The following CUL4A variants were observed in gnomAD, a reference collection of about 807,000 sequenced individuals.
The protein encoded by CUL4A is cullin 4A.
A neutral mutation model predicts 95.5 loss-of-function variants in CUL4A; 16 were observed. The observed-to-expected ratio is 0.17, with a 90% CI of 0.11 to 0.25. The LOEUF (loss-of-function observed/expected upper bound fraction) is 0.25, where lower values mean the gene tolerates loss of function less well. Among genes scored for constraint, CUL4A ranks in the 10% least tolerant of loss-of-function variants. CUL4A has a pLI of 1.00. For missense variants in CUL4A, 610 were observed against 937.0 expected, an observed-to-expected ratio of 0.65 and a Z score of 4.56; for synonymous variants, 380 against 353.1, an observed-to-expected ratio of 1.08 and a Z score of -0.85.
rs370353330 is a variant in CUL4A, at chr13:113,232,151, ACTG to A, written c.513-1021_513-1019del. 4.1e-3 allele frequency among the ~76,000 whole-genome samples: 74 copies of A among 17,942 alleles called. 5 individuals are homozygous for A. The highest frequency in any genetic ancestry group is 0.014 in the Middle Eastern group (1 of 74). The allele number at this position is 17,942 out of a possible 152,430, so 11.8% of individuals were successfully genotyped here. ...TCACCACTACCCGCCCACCACCATT[ACTG>A]CTGCCACCACTACCCGCCCACCACC... On this transcript the variant is annotated intron_variant, in intron 5 of 19. Transcript: ENST00000375440.
intron 2 of CUL4A, among the ~76,000 whole-genome samples, chr13:113,214,527 A>AG (rs1555409788): frequency 1.3e-5 from 2 of 152,008 alleles, no homozygotes; most frequent in South Asian, 2.1e-4. Context: ...TTTAAAAAAA[A>AG]AGAGAGAGAG....
chr13:113,244,900 G>T (rs981629909), intron 12 of CUL4A, 49 bp from the exon 13 acceptor site: 1 of 1,161,158 alleles, frequency 8.6e-7, no homozygotes, highest in Non-Finnish European at 1.3e-6. Context: ...TTTAACATTT[G>T]CTTATCAACT....
chr13:113,212,537 C>T (rs2040488641), intron 2 of CUL4A, among the ~76,000 whole-genome samples: 1 of 152,196 alleles, frequency 6.6e-6, no homozygotes. Flanking sequence ...AATCCCAGCA[C>T]TTTGGGAGGC....
At chr13:113,239,341 A>G in intron 9 of CUL4A, 92 bp from the exon 10 acceptor site, 2 of 1,075,448 alleles carry the variant, frequency 1.9e-6, no homozygotes, top group Non-Finnish European at 2.9e-6. Context: ...TAAGCGGTGT[A>G]TTGACGTTCT....
intron 12 of CUL4A, 60 bp from the exon 13 acceptor site, chr13:113,244,889 G>C: frequency 9.2e-7 from 1 of 1,089,986 alleles, no homozygotes; most frequent in Non-Finnish European, 1.4e-6. Flanking sequence ...GAAGTTTGAA[G>C]TTTAACATTT....
intron 5 of CUL4A, chr13:113,230,125 C>T (rs2041259017): frequency 6.1e-6 from 1 of 164,734 alleles, no homozygotes; most frequent in Admixed American, 6.4e-5. Context: ...AAAGCTGTGT[C>T]CGGTCTCACC....
chr13:113,261,934 C>T (rs2139314307), intron 19 of CUL4A, among the ~76,000 whole-genome samples: 1 of 152,298 alleles, frequency 6.6e-6, no homozygotes, highest in South Asian at 2.1e-4. Flanking sequence ...GCACGCGCCA[C>T]CACACCCAGC....
chr13:113,219,007 C>G lies in CUL4A; in HGVS notation c.327C>G (p.Ala109=), dbSNP rs1284943094. ...TGCTCTACAAGCAACTGCGTCAGGC[C>G]TGTGAAGACCACGTCCAGGCACAGA... ...SPMLYKQLRQ[A]CEDHVQAQIL... is the part of the protein sequence containing the mutation. Residue 109 remains alanine, a synonymous_variant, in exon 3 of 20, where the codon GCC becomes GCG. Transcript: ENST00000375440. 3 of 1,613,546 alleles carry G rather than the reference C, an allele frequency of 1.9e-6. No homozygotes were observed. Among genetic ancestry groups the G allele is most frequent in the Non-Finnish European group, 1.7e-6 (2 of 1,179,858 alleles).
intron 7 of CUL4A, among the ~76,000 whole-genome samples, chr13:113,234,474 G>A (rs1270303369): frequency 6.6e-6 from 1 of 152,298 alleles, no homozygotes; most frequent in Admixed American, 6.5e-5. Context: ...AATGGTGCGT[G>A]CTACTGCCAG....
chr13:113,233,538 A>G (rs2041434977), intron 6 of CUL4A, among the ~76,000 whole-genome samples, 199 bp downstream of exon 6: 1 of 152,184 alleles, frequency 6.6e-6, no homozygotes, highest in Admixed American at 6.5e-5. Context: ...ATAGATCAAT[A>G]TCACTACATA....
intron 9 of CUL4A, among the ~76,000 whole-genome samples, chr13:113,238,818 A>C: frequency 6.6e-6 from 1 of 152,160 alleles, no homozygotes; most frequent in East Asian, 1.9e-4. Flanking sequence ...ATGACTGTTC[A>C]CCATTTTATG....
chr13:113,214,955 G>A (rs915479558), intron 2 of CUL4A, among the ~76,000 whole-genome samples: 4 of 144,332 alleles, frequency 2.8e-5, no homozygotes, highest in East Asian at 2.2e-4. Context: ...TGGAGGTCAC[G>A]TCCCATGTGG....
chr13:113,226,345 G>A (rs1338937914), intron 3 of CUL4A, among the ~76,000 whole-genome samples: 1 of 152,232 alleles, frequency 6.6e-6, no homozygotes, highest in Non-Finnish European at 1.5e-5. Context: ...ACAGGCGGTG[G>A]ATCAAGAGTT....
intron 15 of CUL4A, among the ~76,000 whole-genome samples, chr13:113,248,003 C>T (rs529188026): frequency 6.6e-6 from 1 of 152,162 alleles, no homozygotes; most frequent in Non-Finnish European, 1.5e-5. Flanking sequence ...GCCCCGTGTC[C>T]CCATCAGGAT....
At chr13:113,224,210 G>T (rs367893450) in intron 3 of CUL4A, among the ~76,000 whole-genome samples, 2 of 152,110 alleles carry the variant, frequency 1.3e-5, no homozygotes, top group Admixed American at 1.3e-4. Context: ...AAAATTAGCC[G>T]GGCGTGGTGG....
chr13:113,254,731 G>A lies in CUL4A; in HGVS notation c.1791G>A (p.Leu597=). ...KEFQVSLFQT[L]VLLMFNEGDG... ...TCCAGGTGTCCCTCTTCCAGACACT[G>A]GTGCTCCTCATGTTCAACGAGGGAG... The change falls in exon 17 of 20, where the codon CTG becomes CTA. Residue 597 remains leucine, a synonymous_variant. Transcript: ENST00000375440. 1 of 1,613,320 alleles carries A rather than the reference G, an allele frequency of 6.2e-7. No individual in the cohort carries two copies. The highest frequency in any genetic ancestry group is 8.5e-7 in the Non-Finnish European group (1 of 1,179,828).
upstream of CUL4A, chr13:113,208,656 G>A (rs1170882094): frequency 6.2e-7 from 1 of 1,603,278 alleles, no homozygotes; most frequent in African/African-American, 1.3e-5. Flanking sequence ...CGAACGGAGA[G>A]CGCCACCCCC....
rs145250533 is a variant in CUL4A, at chr13:113,222,363, T to C, written c.368+3315T>C. 2.6e-5 allele frequency among the ~76,000 whole-genome samples: 4 copies of C among 151,364 alleles called. No homozygotes were observed. In the East Asian group the frequency reaches 8.0e-4, roughly 30 times the overall value. ...TGGGCAGCAAAACCACAGGGTGGAA[T>C]GGCAGCATCCTGCCAGCAAACCTCT... On this transcript the variant is annotated intron_variant, in intron 3 of 19. Coordinates refer to ENST00000375440, the MANE Select transcript of CUL4A (RefSeq NM_001008895.4).
intron 15 of CUL4A, among the ~76,000 whole-genome samples, chr13:113,252,003 G>C (rs1253923592): frequency 6.6e-6 from 1 of 152,154 alleles, no homozygotes; most frequent in African/African-American, 2.4e-5. Context: ...ACGTGTCGGA[G>C]ATCCCGGGTG....
Sources: gnomAD v4.1 joint callset for allele counts (sites outside exome capture counted in the v4.1 genomes callset) on GRCh38, gnomAD v4.1.1 for gene constraint, MANE v1.5 for transcripts, NCBI Gene and HGNC (gene_info 2026-07-23, HGNC 2026-07-21) for gene names.